Variants in PLEKHG4B observed in about 807,000 individuals in gnomAD.
PLEKHG4B encodes pleckstrin homology and RhoGEF domain containing G4B.
In PLEKHG4B, 111 loss-of-function variants were observed where a neutral mutation model predicts 121.3. That is an observed-to-expected ratio of 0.92 (90% CI 0.78 to 1.07). PLEKHG4B has a LOEUF of 1.07. Among genes scored for constraint, PLEKHG4B ranks in the 50% least tolerant of loss-of-function variants. The pLI is 0.00. For synonymous variants in PLEKHG4B, 738 were observed against 725.0 expected, an observed-to-expected ratio of 1.02 and a Z score of -0.29; for missense variants, 1,831 against 1,757.8, an observed-to-expected ratio of 1.04 and a Z score of -0.74.
chr5:94,592 CG>C (rs1733576464), intron 1 of PLEKHG4B, among the ~76,000 whole-genome samples: 1 of 149,268 alleles, frequency 6.7e-6, no homozygotes, highest in Admixed American at 6.7e-5. Flanking sequence ...GAGTGGCTGG[CG>C]GGGCTGGAGG....
chr5:132,549 C>T (rs1230513914), intron 2 of PLEKHG4B, among the ~76,000 whole-genome samples: 1 of 151,934 alleles, frequency 6.6e-6, no homozygotes, highest in African/African-American at 2.4e-5. Context: ...GTCTGTAATC[C>T]ATCTTGAGTT....
At chr5:127,041 C>T (rs1734638718) in intron 2 of PLEKHG4B, among the ~76,000 whole-genome samples, 1 of 152,174 alleles carries the variant, frequency 6.6e-6, no homozygotes, top group Non-Finnish European at 1.5e-5. Flanking sequence ...GCCATCTTGC[C>T]TGCTCCTTAC....
chr5:170,941 G>C, intron 14 of PLEKHG4B, 102 bp from the exon 15 acceptor site: 1 of 864,198 alleles, frequency 1.2e-6, no homozygotes, highest in East Asian at 2.5e-5. Flanking sequence ...CACCTGGGGG[G>C]TCTTGGGACG....
chr5:157,745 T>A lies in PLEKHG4B; in HGVS notation c.2487+834T>A, dbSNP rs540319085. ...CTTTCTTTTCTCACATATAAACTCT[T>A]CAAAACTTGCACATTTTTATATAAA... On this transcript the variant is annotated intron_variant, in intron 11 of 19. Coordinates refer to ENST00000637938, the MANE Select transcript of PLEKHG4B (RefSeq NM_052909.5). The surrounding 1 kb of genome is among the most constrained non-coding windows in gnomAD (Gnocchi z 4.6). Among the ~76,000 whole-genome samples, 31 of 152,350 alleles carry A rather than the reference T, an allele frequency of 2.0e-4. No individual in the cohort carries two copies. The highest frequency in any genetic ancestry group is 7.0e-4 in the African/African-American group (29 of 41,582).
At chr5:178,347 A>C (rs547739657) in intron 18 of PLEKHG4B, among the ~76,000 whole-genome samples, 1 of 152,300 alleles carries the variant, frequency 6.6e-6, no homozygotes, top group Admixed American at 6.5e-5. Context: ...TGCCCTGCTC[A>C]TGCCTGTCTA....
Position 171,411 on chromosome 5 carries a change from C to A in PLEKHG4B, c.4017C>A (p.Asp1339Glu). The change falls in exon 16 of 20, where the codon GAC (aspartate) becomes GAA (glutamate). Residue 1339 changes from aspartate to glutamate, a missense_variant. Coordinates refer to ENST00000637938, the MANE Select transcript of PLEKHG4B (RefSeq NM_052909.5). ...GCTTCCAGCTGCGTCACGGCAATGA[C>A]CTGCTGGCCATGGACGCCATCCGCG... is the stretch of plus-strand genomic sequence containing the variant. ...VVCFQLRHGNDLLAMDAIRGC... is the reference protein window; with the variant it reads ...VVCFQLRHGNELLAMDAIRGC... The A allele has an allele frequency of 6.2e-6, 10 of 1,605,220 alleles. No individual in the cohort carries two copies. The highest frequency in any genetic ancestry group is 8.5e-6 in the Non-Finnish European group (10 of 1,178,120).
At chr5:103,485 A>G (rs1733882792) in intron 1 of PLEKHG4B, among the ~76,000 whole-genome samples, 1 of 152,174 alleles carries the variant, frequency 6.6e-6, no homozygotes, top group Non-Finnish European at 1.5e-5. Flanking sequence ...GTCTTTACAC[A>G]GCTGTGTACA....
intron 1 of PLEKHG4B, among the ~76,000 whole-genome samples, chr5:104,656 A>G (rs1385513713): frequency 6.6e-6 from 1 of 152,186 alleles, no homozygotes; most frequent in Non-Finnish European, 1.5e-5. Context: ...AATTTTGATA[A>G]TCATTTTTCT....
rs1733677226 is a variant in PLEKHG4B at position 97,931 on chromosome 5, C to T, written c.45+5655C>T. 2.6e-5 allele frequency among the ~76,000 whole-genome samples: 4 copies of T among 152,254 alleles called. No homozygotes were observed. In the South Asian group the frequency reaches 8.3e-4, roughly 32 times the overall value. ...GTGCACAGGTGCAATTTCCCCACAT[C>T]CGCACCAACACTTGTTCTTTTATAT... is the stretch of plus-strand genomic sequence containing the variant. On this transcript the variant is annotated intron_variant, in intron 1 of 19. Transcript: ENST00000637938.
intron 1 of PLEKHG4B, among the ~76,000 whole-genome samples, chr5:101,081 A>G (rs1449819809): frequency 1.6e-4 from 15 of 92,238 alleles, no homozygotes; most frequent in Middle Eastern, 8.2e-3. Context: ...AAAGCCCTGG[A>G]AAAAGTCTGT....
At chr5:135,874 G>C (rs1734970423) in intron 2 of PLEKHG4B, among the ~76,000 whole-genome samples, 2 of 151,152 alleles carry the variant, frequency 1.3e-5, no homozygotes, top group African/African-American at 4.9e-5. Context: ...CAATCTTGAA[G>C]AAGAGCTAAA....
At chr5:135,033 C>CA (rs1230436103) in intron 2 of PLEKHG4B, among the ~76,000 whole-genome samples, 3 of 151,166 alleles carry the variant, frequency 2.0e-5, no homozygotes, top group African/African-American at 7.3e-5. Context: ...ACTAAAAATA[C>CA]AAAAACTTAG....
chr5:187,504 C>T lies in PLEKHG4B; in HGVS notation c.*5181C>T, dbSNP rs1444477268. The T allele has an allele frequency of 6.6e-6, 1 of 152,310 alleles. No homozygotes were observed. The highest frequency in any genetic ancestry group is 1.5e-5 in the Non-Finnish European group (1 of 68,158). The allele number at this position is 152,310 out of a possible 1,614,324, so 9.4% of individuals were successfully genotyped here. A position where few individuals can be genotyped will look rare whatever the true frequency, so the allele number is the denominator to read the frequency against. On this transcript the variant is annotated 3_prime_UTR_variant, in exon 20 of 20. Transcript: ENST00000637938. Reference sequence around the variant, plus strand: ...GTCCACGTCCCCAGACCCCTCATGCCAACACCATTCCACCCAGCAGTTTCT... The same window carrying T: ...GTCCACGTCCCCAGACCCCTCATGCTAACACCATTCCACCCAGCAGTTTCT...
chr5:95,026 A>G (rs1173164339), intron 1 of PLEKHG4B, among the ~76,000 whole-genome samples: 1 of 152,144 alleles, frequency 6.6e-6, no homozygotes, highest in East Asian at 1.9e-4. Context: ...AAAGCTGCCT[A>G]TGTCGTTGTG....
Position 180,697 on chromosome 5 carries a change from C to A in PLEKHG4B, c.4403-817C>A, listed in dbSNP as rs146430647. On this transcript the variant is annotated intron_variant, in intron 18 of 19. Transcript: ENST00000637938. ...GCCAGAGCAGGAAGCTGTCCCGCGT[C>A]CACGTGCACAGCTCTAACCCTAAAA... is the stretch of plus-strand genomic sequence containing the variant. Among the ~76,000 whole-genome samples the A allele has an allele frequency of 4.0e-4, 61 of 152,350 alleles. No homozygotes were observed. The East Asian group carries it at 0.011, about 28-fold the overall frequency.
At chr5:101,242 A>G (rs543113416) in intron 1 of PLEKHG4B, among the ~76,000 whole-genome samples, 1 of 128,562 alleles carries the variant, frequency 7.8e-6, no homozygotes, top group Admixed American at 7.3e-5. Flanking sequence ...AGCCCTGGAA[A>G]AAGTCTGTAG....
Position 159,361 on chromosome 5 carries a change from C to A in PLEKHG4B, c.2488-2422C>A, listed in dbSNP as rs1336479994. ...ACTGCGCCCCTCTGTTCTGGGAATTCTGTGACATCCTTCGTGGCGCTCGCA... is the reference window on the plus strand; with the variant it reads ...ACTGCGCCCCTCTGTTCTGGGAATTATGTGACATCCTTCGTGGCGCTCGCA... On this transcript the variant is annotated intron_variant, in intron 11 of 19. Transcript: ENST00000637938. The surrounding 1 kb of genome is among the most constrained non-coding windows in gnomAD (Gnocchi z 5.5). 6.6e-6 allele frequency among the ~76,000 whole-genome samples: 1 copy of A among 152,178 alleles called. No homozygotes were observed. The highest frequency in any genetic ancestry group is 1.5e-5 in the Non-Finnish European group (1 of 68,034).
chr5:149,186 A>G (rs1181285146), intron 6 of PLEKHG4B, among the ~76,000 whole-genome samples: 1 of 152,200 alleles, frequency 6.6e-6, no homozygotes, highest in East Asian at 1.9e-4. Flanking sequence ...ATAATATCAG[A>G]GGCACCAGCA....
chr5:137,056 C>T lies in PLEKHG4B; in HGVS notation c.244-2427C>T, dbSNP rs141249045. ...AATGGATAGCAAAATATAGTATGTA[C>T]ACGCAATGGAAGATTATGCAACCCT... is the stretch of plus-strand genomic sequence containing the variant. On this transcript the variant is annotated intron_variant, in intron 2 of 19. Coordinates refer to ENST00000637938, the MANE Select transcript of PLEKHG4B (RefSeq NM_052909.5). This position sits in a 1 kb window ranked among gnomAD's most constrained non-coding sequence, Gnocchi z 4.2. 2.1e-4 allele frequency among the ~76,000 whole-genome samples: 32 copies of T among 152,278 alleles called. No individual in the cohort carries two copies. Among genetic ancestry groups the T allele is most frequent in the African/African-American group, 7.7e-4 (32 of 41,542 alleles).
Sources: allele counts gnomAD v4.1 joint callset (sites outside exome capture counted in the v4.1 genomes callset), GRCh38; gene constraint gnomAD v4.1.1; non-coding constraint Gnocchi (gnomAD v3.1); transcripts MANE v1.5; gene names NCBI Gene and HGNC (gene_info 2026-07-23, HGNC 2026-07-21).